Variants in GSK3B observed in about 807,000 individuals in gnomAD.
GSK3B encodes glycogen synthase kinase-3 beta.
A neutral mutation model predicts 56.4 loss-of-function variants in GSK3B; 15 were observed. The ratio of observed to expected loss-of-function variants is 0.27; its 90% confidence interval spans 0.18 to 0.41. The LOEUF is 0.41. GSK3B is among the 10% of genes least tolerant of loss of function. The pLI, the probability that GSK3B is intolerant of heterozygous loss-of-function variation, is 1.00. For synonymous variants in GSK3B, 181 were observed against 188.9 expected (o/e 0.96, Z 0.34); for missense variants, 300 against 513.4 (o/e 0.58, Z 4.02).
At chr3:120,058,883 G>A (rs1345551092) in intron 1 of GSK3B, among the ~76,000 whole-genome samples, 8 of 151,842 alleles carry the variant, frequency 5.3e-5, no homozygotes, top group Non-Finnish European at 1.0e-4. Flanking sequence ...GGCAGCATGC[G>A]CCTGTAGTCC....
intron 2 of GSK3B, among the ~76,000 whole-genome samples, chr3:119,971,508 A>T: frequency 6.6e-6 from 1 of 151,438 alleles, no homozygotes; most frequent in East Asian, 1.9e-4. Context: ...TATAGCTTCC[A>T]TAGTTTTAGT....
chr3:119,933,590 G>C (rs1398940010), intron 3 of GSK3B, among the ~76,000 whole-genome samples: 2 of 152,126 alleles, frequency 1.3e-5, no homozygotes, highest in Non-Finnish European at 2.9e-5. Context: ...AAGAAGCACA[G>C]GAGCCGCCAA....
intron 1 of GSK3B, among the ~76,000 whole-genome samples, chr3:120,069,935 C>A (rs1235844213): frequency 6.6e-6 from 1 of 152,092 alleles, no homozygotes; most frequent in Non-Finnish European, 1.5e-5. Flanking sequence ...TAGGGGAAGG[C>A]CAGGCGCGGT....
chr3:120,075,445 T>C (rs1195129789), intron 1 of GSK3B, among the ~76,000 whole-genome samples: 1 of 152,110 alleles, frequency 6.6e-6, no homozygotes, highest in Non-Finnish European at 1.5e-5. Flanking sequence ...ATCAGAAAAT[T>C]ATCTCTATTT....
At chr3:120,069,408 A>G (rs1272980084) in intron 1 of GSK3B, among the ~76,000 whole-genome samples, 1 of 152,214 alleles carries the variant, frequency 6.6e-6, no homozygotes, top group African/African-American at 2.4e-5. Flanking sequence ...CTCAATTCAC[A>G]GTTAATAGCC....
chr3:119,859,021 A>G (rs1719890), intron 9 of GSK3B, among the ~76,000 whole-genome samples: 70,748 of 151,670 alleles, frequency 0.47, 19,719 homozygotes, highest in Non-Finnish European at 0.61. Flanking sequence ...AATGGATGTA[A>G]TAACAATGAA....
intron 8 of GSK3B, among the ~76,000 whole-genome samples, chr3:119,873,298 A>G (rs1243502865): frequency 6.6e-6 from 1 of 151,810 alleles, no homozygotes; most frequent in Non-Finnish European, 1.5e-5. Context: ...TTTCCACAAA[A>G]GACATTTTCT....
chr3:120,065,373 T>C (rs917756234), intron 1 of GSK3B, among the ~76,000 whole-genome samples: 1 of 152,090 alleles, frequency 6.6e-6, no homozygotes, highest in Non-Finnish European at 1.5e-5. Flanking sequence ...AAAGATGCTC[T>C]ACATCGATAG....
chr3:119,913,246 G>T (rs2056752326), intron 5 of GSK3B, among the ~76,000 whole-genome samples: 1 of 152,018 alleles, frequency 6.6e-6, no homozygotes, highest in African/African-American at 2.4e-5. Flanking sequence ...CCACTGTCTT[G>T]CATTTTGACT....
intron 1 of GSK3B, among the ~76,000 whole-genome samples, chr3:120,067,220 T>G (rs146445850): frequency 7.7e-6 from 1 of 130,530 alleles, no homozygotes; most frequent in African/African-American, 3.3e-5. Flanking sequence ...ATAGACGCAG[T>G]AATCAACTGT....
intron 3 of GSK3B, among the ~76,000 whole-genome samples, chr3:119,945,573 C>T (rs1190063071): frequency 6.6e-6 from 1 of 152,150 alleles, no homozygotes; most frequent in Non-Finnish European, 1.5e-5. Context: ...GAGCTTTCCA[C>T]CAAACCAAAA....
At chr3:119,892,481 T>G (rs2056513728) in intron 7 of GSK3B, among the ~76,000 whole-genome samples, 1 of 152,186 alleles carries the variant, frequency 6.6e-6, no homozygotes, top group Non-Finnish European at 1.5e-5. Context: ...CAGACAGCAC[T>G]ACTCTGAGTG....
chr3:119,912,576 T>A, intron 6 of GSK3B, 128 bp downstream of exon 6: 1 of 457,204 alleles, frequency 2.2e-6, no homozygotes, highest in Non-Finnish European at 4.0e-6. Context: ...TCTCAAGCTT[T>A]AAGAAAAAAA....
intron 2 of GSK3B, among the ~76,000 whole-genome samples, chr3:119,951,942 T>A (rs760608235): frequency 6.0e-5 from 9 of 150,770 alleles, no homozygotes; most frequent in Non-Finnish European, 1.3e-4. Flanking sequence ...AAGAAAATAT[T>A]TGAGATGGCA....
At chr3:119,988,303 C>T (rs2057534548) in intron 2 of GSK3B, among the ~76,000 whole-genome samples, 1 of 152,124 alleles carries the variant, frequency 6.6e-6, no homozygotes, top group African/African-American at 2.4e-5. Flanking sequence ...TTCTTTTGAG[C>T]TATTAACAGC....
chr3:120,032,868 G>A (rs2057989336), intron 1 of GSK3B, among the ~76,000 whole-genome samples: 1 of 152,158 alleles, frequency 6.6e-6, no homozygotes, highest in South Asian at 2.1e-4. Flanking sequence ...GCTTCATTAA[G>A]TTTTAATTCA....
At chr3:120,026,069 T>C (rs1244067193) in intron 1 of GSK3B, among the ~76,000 whole-genome samples, 1 of 152,198 alleles carries the variant, frequency 6.6e-6, no homozygotes, top group African/African-American at 2.4e-5. Context: ...AAATCATAAG[T>C]TGGGAAAGAA....
At chr3:120,044,758 G>C (rs1013802300) in intron 1 of GSK3B, among the ~76,000 whole-genome samples, 1 of 151,546 alleles carries the variant, frequency 6.6e-6, no homozygotes, top group Non-Finnish European at 1.5e-5. Context: ...GGTCCTACTA[G>C]CAAGAATGGC....
At chr3:119,983,502 T>A in intron 2 of GSK3B, among the ~76,000 whole-genome samples, 1 of 146,232 alleles carries the variant, frequency 6.8e-6, no homozygotes, top group African/African-American at 2.5e-5. Flanking sequence ...AATAAAGAGA[T>A]GGAGGAAGAT....
Sources: gnomAD v4.1 joint callset for allele counts (sites outside exome capture counted in the v4.1 genomes callset) on GRCh38, gnomAD v4.1.1 for gene constraint, MANE v1.5 for transcripts, NCBI Gene and HGNC (gene_info 2026-07-23, HGNC 2026-07-21) for gene names.